GPC5: variants seen among roughly 807,000 people sequenced by gnomAD.
GPC5 encodes glypican 5.
GPC5 carries 47 observed loss-of-function variants against 53.9 expected under a neutral mutation model. The observed-to-expected ratio is 0.87, with a 90% CI of 0.69 to 1.11. The LOEUF is 1.11. GPC5 is among the 50% of genes most tolerant of loss of function. The pLI, the probability that GPC5 is intolerant of heterozygous loss-of-function variation, is 0.00. For synonymous variants in GPC5, 286 were observed against 263.3 expected, an observed-to-expected ratio of 1.09 and a Z score of -0.84; for missense variants, 748 against 713.1, an observed-to-expected ratio of 1.05 and a Z score of -0.56.
At chr13:91,918,082 G>A (rs371735209) in intron 6 of GPC5, among the ~76,000 whole-genome samples, 100 of 152,242 alleles carry the variant, frequency 6.6e-4, no homozygotes, top group African/African-American at 2.3e-3. Context: ...TTGCATTGCT[G>A]GGGAGGCCTC....
At chr13:92,367,005 T>G (rs980179528) in intron 7 of GPC5, among the ~76,000 whole-genome samples, 3 of 152,232 alleles carry the variant, frequency 2.0e-5, no homozygotes, top group Non-Finnish European at 4.4e-5. Flanking sequence ...TAGTTTGAAT[T>G]TGTCCAGACT....
chr13:91,703,885 G>A (rs2036043873), intron 3 of GPC5, among the ~76,000 whole-genome samples: 1 of 152,050 alleles, frequency 6.6e-6, no homozygotes, highest in Non-Finnish European at 1.5e-5. Flanking sequence ...TAGTTTGTAT[G>A]TTTCTAGGCA....
At chr13:92,851,215 G>A (rs1213896683) in intron 7 of GPC5, among the ~76,000 whole-genome samples, 2 of 152,122 alleles carry the variant, frequency 1.3e-5, no homozygotes, top group Non-Finnish European at 2.9e-5. Flanking sequence ...CCTCCCACCA[G>A]GCCCCACCTC....
chr13:91,497,655 C>T (rs1409563084), intron 2 of GPC5, among the ~76,000 whole-genome samples: 4 of 152,078 alleles, frequency 2.6e-5, no homozygotes, highest in Non-Finnish European at 5.9e-5. Flanking sequence ...AGTTCAGAGG[C>T]AGAAGGTAAT....
chr13:91,973,445 C>G (rs2040264304), intron 6 of GPC5, among the ~76,000 whole-genome samples: 1 of 152,212 alleles, frequency 6.6e-6, no homozygotes, highest in African/African-American at 2.4e-5. Flanking sequence ...GTTTGATCAT[C>G]TGGAGCCTTC....
intron 1 of GPC5, among the ~76,000 whole-genome samples, chr13:91,413,516 C>T (rs573063291): frequency 1.3e-5 from 2 of 152,264 alleles, no homozygotes; most frequent in African/African-American, 4.8e-5. Flanking sequence ...TGTTTGAATT[C>T]TTAAAAAAGA....
intron 7 of GPC5, among the ~76,000 whole-genome samples, chr13:92,337,192 A>G (rs569685400): frequency 2.6e-4 from 30 of 113,378 alleles, no homozygotes; most frequent in South Asian, 1.1e-3. Context: ...TGTTAGCAGC[A>G]CCCCCCACCC....
intron 7 of GPC5, among the ~76,000 whole-genome samples, chr13:92,829,815 T>C (rs1394445799): frequency 5.9e-5 from 9 of 152,084 alleles, no homozygotes; most frequent in Non-Finnish European, 7.4e-5. Context: ...TTCTTTTAAA[T>C]ACAGAAAATA....
At chr13:92,206,145 TG>T (rs2042333788) in intron 7 of GPC5, among the ~76,000 whole-genome samples, 1 of 139,520 alleles carries the variant, frequency 7.2e-6, no homozygotes, top group Non-Finnish European at 1.5e-5. Flanking sequence ...ATCGTTGTTG[TG>T]TTTTTTTTAT....
chr13:92,000,654 G>T (rs1265813360), intron 6 of GPC5, among the ~76,000 whole-genome samples: 3 of 152,060 alleles, frequency 2.0e-5, no homozygotes, highest in South Asian at 4.1e-4. Flanking sequence ...GTGCCCTGCT[G>T]GATGGCCAGA....
At position 91,985,276 on chromosome 13, in the gene GPC5, T is replaced by C. The variant is rs865907218; in HGVS notation, c.1401+77219T>C. On this transcript the variant is annotated intron_variant, in intron 6 of 7. Coordinates refer to ENST00000377067, the MANE Select transcript of GPC5 (RefSeq NM_004466.6). ...CTGGTATTGACATAGTAATTTTCCT[T>C]GCTTAATGTTTGCTTGGTATATGTT... 9.2e-5 allele frequency among the ~76,000 whole-genome samples: 14 copies of C among 152,320 alleles called. No homozygotes were observed. In the Middle Eastern group the frequency reaches 0.017, roughly 185 times the overall value.
chr13:92,153,280 T>C (rs1240533070), intron 7 of GPC5, among the ~76,000 whole-genome samples: 1 of 151,982 alleles, frequency 6.6e-6, no homozygotes, highest in Non-Finnish European at 1.5e-5. Context: ...AGGCATGTGC[T>C]ACCACACCCA....
chr13:92,317,439 C>T (rs1217263317), intron 7 of GPC5, among the ~76,000 whole-genome samples: 3 of 151,688 alleles, frequency 2.0e-5, no homozygotes, highest in South Asian at 4.2e-4. Context: ...TGTGATTTAC[C>T]CTTCATGTGT....
intron 7 of GPC5, among the ~76,000 whole-genome samples, chr13:92,672,090 T>C (rs914827079): frequency 1.4e-4 from 22 of 152,286 alleles, no homozygotes; most frequent in South Asian, 6.2e-4. Context: ...GGAATAGTTA[T>C]TAATAAGTTC....
intron 7 of GPC5, among the ~76,000 whole-genome samples, chr13:92,312,329 TG>T (rs762694972): frequency 6.6e-6 from 1 of 151,730 alleles, no homozygotes; most frequent in Non-Finnish European, 1.5e-5. Flanking sequence ...TACTGTTGAG[TG>T]GGGGGAAAAA....
chr13:92,462,973 G>C (rs538425211), intron 7 of GPC5, among the ~76,000 whole-genome samples: 2 of 152,190 alleles, frequency 1.3e-5, no homozygotes, highest in Non-Finnish European at 2.9e-5. Flanking sequence ...CTGTCAGAAA[G>C]CATGGCAAAG....
At chr13:92,106,467 TA>T (rs1333308129) in intron 6 of GPC5, among the ~76,000 whole-genome samples, 1 of 152,034 alleles carries the variant, frequency 6.6e-6, no homozygotes, top group Admixed American at 6.6e-5. Context: ...TGATAAGCCT[TA>T]AAAATTGAAC....
In GPC5 at chr13:92,262,778, T is replaced by C. The variant is rs571537780; in HGVS notation, c.1561+117789T>C. ...ATATATAACTTCAAGTTAAAAGTAA[T>C]GTAAATATGCTTCTTGCAAAGTCTT... On this transcript the variant is annotated intron_variant, in intron 7 of 7. Transcript: ENST00000377067. 7.9e-5 allele frequency among the ~76,000 whole-genome samples: 12 copies of C among 152,298 alleles called. 1 individual carries two copies. In the South Asian group the frequency reaches 2.5e-3, roughly 32 times the overall value.
intron 7 of GPC5, among the ~76,000 whole-genome samples, chr13:92,529,203 T>C (rs546647715): frequency 6.6e-5 from 10 of 152,260 alleles, no homozygotes; most frequent in Non-Finnish European, 1.2e-4. Context: ...AATTTTGCCT[T>C]CCTGCCCAAT....
Sources: gnomAD v4.1 joint callset for allele counts (sites outside exome capture counted in the v4.1 genomes callset) on GRCh38, gnomAD v4.1.1 for gene constraint, MANE v1.5 for transcripts, NCBI Gene and HGNC (gene_info 2026-07-23, HGNC 2026-07-21) for gene names.